Variants in BANF2 observed in about 807,000 individuals in gnomAD.
BANF2 encodes the protein BANF family member 2, also known as barrier-to-autointegration factor-like protein.
In BANF2, 4 loss-of-function variants were observed where a neutral mutation model predicts 8.0. That is an observed-to-expected ratio of 0.50 (90% confidence interval 0.25 to 1.14). The LOEUF (loss-of-function observed/expected upper bound fraction) is 1.14. Among genes scored for constraint, BANF2 ranks in the 50% most tolerant of loss-of-function variants. The pLI is 0.16. For synonymous variants in BANF2, 50 were observed against 40.6 expected, an observed-to-expected ratio of 1.23 and a Z score of -0.88; for missense variants, 96 against 107.5, an observed-to-expected ratio of 0.89 and a Z score of 0.47.
intron 3 of BANF2, among the ~76,000 whole-genome samples, chr20:17,725,962 C>T (rs934725155): frequency 1.3e-5 from 2 of 152,122 alleles, no homozygotes; most frequent in Non-Finnish European, 2.9e-5. Context: ...ACATCTGAAC[C>T]ATGAGAGCCA....
rs1251136517 is a variant in BANF2 at position 17,735,854 on chromosome 20, T to A, written c.*43T>A. ...GCCCCCCACCACCCTCTGGGGAAAA[T>A]GACGCCTTCTCCACCTATGCCCAGG... On this transcript the variant is annotated 3_prime_UTR_variant, in exon 4 of 4. Transcript: ENST00000246090. The A allele has an allele frequency of 1.9e-6, 3 of 1,586,074 alleles. No individual in the cohort carries two copies. Among genetic ancestry groups the A allele is most frequent in the Non-Finnish European group, 2.6e-6 (3 of 1,160,278 alleles).
intron 1 of BANF2, among the ~76,000 whole-genome samples, chr20:17,716,327 C>A (rs1360262696): frequency 6.6e-6 from 1 of 152,046 alleles, no homozygotes; most frequent in Admixed American, 6.5e-5. Flanking sequence ...AAGGTTACCC[C>A]CCTTCTTTTC....
At chr20:17,718,972 T>G (rs533010663) in intron 1 of BANF2, among the ~76,000 whole-genome samples, 123 of 152,214 alleles carry the variant, frequency 8.1e-4, no homozygotes, top group Non-Finnish European at 1.4e-3. Context: ...AGTTCTGTTG[T>G]ATGATGGCCA....
upstream of BANF2, among the ~76,000 whole-genome samples, chr20:17,698,678 T>A (rs1056632417): frequency 2.6e-5 from 4 of 152,226 alleles, no homozygotes; most frequent in African/African-American, 4.8e-5. Context: ...GATACGCAGG[T>A]ACTGGCAGCT....
chr20:17,719,034 C>T (rs1233567060), intron 1 of BANF2, among the ~76,000 whole-genome samples: 1 of 152,180 alleles, frequency 6.6e-6, no homozygotes, highest in African/African-American at 2.4e-5. Flanking sequence ...CCCGGGGTTA[C>T]AAGAGGGATG....
chr20:17,721,205 C>T (rs1023682134), intron 1 of BANF2, among the ~76,000 whole-genome samples: 6 of 152,130 alleles, frequency 3.9e-5, no homozygotes, highest in Non-Finnish European at 7.4e-5. Context: ...ACTTCCATAG[C>T]CCCATAGTGG....
upstream of BANF2, among the ~76,000 whole-genome samples, chr20:17,698,685 A>G (rs1229086527): frequency 1.3e-5 from 2 of 152,244 alleles, no homozygotes; most frequent in Admixed American, 6.5e-5. Flanking sequence ...AGGTACTGGC[A>G]GCTGGGAGTC....
At chr20:17,710,475 T>C (rs2037552938) in intron 1 of BANF2, among the ~76,000 whole-genome samples, 1 of 152,244 alleles carries the variant, frequency 6.6e-6, no homozygotes, top group Non-Finnish European at 1.5e-5. Context: ...ACAATGGCCA[T>C]ACAGAGGCAG....
intron 3 of BANF2, among the ~76,000 whole-genome samples, chr20:17,730,999 G>A (rs1299243482): frequency 2.6e-5 from 4 of 152,228 alleles, no homozygotes; most frequent in Admixed American, 6.5e-5. Flanking sequence ...AGTTTAAGCC[G>A]GGCGTGGTAG....
chr20:17,706,863 G>A (rs966325256), intron 1 of BANF2, among the ~76,000 whole-genome samples: 1 of 152,174 alleles, frequency 6.6e-6, no homozygotes, highest in Non-Finnish European at 1.5e-5. Context: ...TCATTTCCAG[G>A]TGACTCTATC....
chr20:17,734,192 C>A (rs1465964156), intron 3 of BANF2, among the ~76,000 whole-genome samples: 1 of 152,168 alleles, frequency 6.6e-6, no homozygotes, highest in Non-Finnish European at 1.5e-5. Context: ...GAATTAAAAG[C>A]CTCGAGGCAA....
chr20:17,717,493 G>C (rs191903997), intron 1 of BANF2, among the ~76,000 whole-genome samples: 1 of 152,044 alleles, frequency 6.6e-6, no homozygotes, highest in Non-Finnish European at 1.5e-5. Flanking sequence ...TGAAGGCACC[G>C]AGCAAAAGAA....
At chr20:17,705,556 T>C (rs940995683) in intron 1 of BANF2, among the ~76,000 whole-genome samples, 6 of 152,170 alleles carry the variant, frequency 3.9e-5, no homozygotes, top group African/African-American at 7.2e-5. Context: ...TAAAAGATAA[T>C]GGGCTAGGCC....
chr20:17,694,599 C>CTTTTTTTTTTTTTTTTTTTTTTTTTT lies in BANF2; in HGVS notation c.18+894_18+895insTTTTTTTTTTTTTTTTTTTTTTTTTT, dbSNP rs1256251082. Among the ~76,000 whole-genome samples, 12 of 82,786 alleles carry CTTTTTTTTTTTTTTTTTTTTTTTTTT rather than the reference C, an allele frequency of 1.4e-4. 2 individuals are homozygous for CTTTTTTTTTTTTTTTTTTTTTTTTTT. The highest frequency in any genetic ancestry group is 2.5e-4 in the African/African-American group (5 of 20,372). The allele number at this position is 82,786 out of a possible 152,430, so 54.3% of individuals were successfully genotyped here. A position where few individuals can be genotyped will look rare whatever the true frequency, so the allele number is the denominator to read the frequency against. Reference sequence around the variant, plus strand: ...AGGGGGCTATTTTTGTTTTTTCTCTCTCTTTTTTTTTTTTTTTTTTTTTTT... The same window carrying CTTTTTTTTTTTTTTTTTTTTTTTTTT: ...AGGGGGCTATTTTTGTTTTTTCTCTCTTTTTTTTTTTTTTTTTTTTTTTTTTTCTTTTTTTTTTTTTTTTTTTTTTT... On this transcript the variant is annotated intron_variant, in intron 1 of 2. Coordinates refer to the BANF2 transcript ENST00000545418.
intron 3 of BANF2, among the ~76,000 whole-genome samples, chr20:17,732,660 C>A (rs985953213): frequency 6.6e-6 from 1 of 152,120 alleles, no homozygotes; most frequent in South Asian, 2.1e-4. Context: ...CTGGCCGAGC[C>A]CCCCCTCTTA....
intron 1 of BANF2, among the ~76,000 whole-genome samples, chr20:17,710,712 G>A (rs1476813202): frequency 2.6e-5 from 4 of 152,220 alleles, no homozygotes; most frequent in African/African-American, 9.7e-5. Context: ...CTCCCAAGCT[G>A]TGTATTATCA....
At chr20:17,711,506 A>T (rs1172020953) in intron 1 of BANF2, among the ~76,000 whole-genome samples, 3 of 152,186 alleles carry the variant, frequency 2.0e-5, no homozygotes, top group Admixed American at 6.5e-5. Context: ...GGTGCCCCTG[A>T]CCTGGTGAAG....
chr20:17,731,652 A>G (rs2037895435), intron 3 of BANF2: 1 of 148,030 alleles, frequency 6.8e-6, no homozygotes, highest in Non-Finnish European at 1.5e-5. Flanking sequence ...GCTACTCGGG[A>G]GGCTGAGGTG....
At chr20:17,698,781 G>T (rs1295177238), upstream of BANF2, among the ~76,000 whole-genome samples, 1 of 152,222 alleles carries the variant, frequency 6.6e-6, no homozygotes, top group East Asian at 1.9e-4. Context: ...CCAAAACGTG[G>T]CTCAGTTCTG....
Sources: allele counts gnomAD v4.1 joint callset (sites outside exome capture counted in the v4.1 genomes callset), GRCh38; gene constraint gnomAD v4.1.1; transcripts MANE v1.5; gene names NCBI Gene and HGNC (gene_info 2026-07-23, HGNC 2026-07-21).